SUN2: variants seen among roughly 807,000 people sequenced by gnomAD.
SUN2 encodes Sad1 and UNC84 domain containing 2, also known as SUN domain-containing protein 2.
In SUN2, 60 loss-of-function variants were observed where a neutral mutation model predicts 100.0. The observed-to-expected ratio is 0.60, with a 90% CI of 0.49 to 0.74. The LOEUF is 0.74. SUN2 is among the 30% of genes least tolerant of loss of function. SUN2 has a pLI of 0.00. For missense variants in SUN2, 834 were observed against 954.6 expected (o/e 0.87, Z 1.66); for synonymous variants, 367 against 403.3 (o/e 0.91, Z 1.08).
In SUN2 at chr22:38,755,091, C is replaced by T; in HGVS notation, c.-38+672G>A. 1 of 996,588 alleles carries T rather than the reference C, an allele frequency of 1.0e-6. No individual in the cohort carries two copies. Among genetic ancestry groups the T allele is most frequent in the South Asian group, 1.6e-5 (1 of 62,274 alleles). 61.7% of individuals were successfully genotyped at this position (996,588 alleles called of 1,614,324 possible). On this transcript the variant is annotated intron_variant, in intron 1 of 17. Transcript: ENST00000689035. The surrounding 1 kb of genome is among the most constrained non-coding windows in gnomAD (Gnocchi z 5.7). ...CCCCACTTCTCAGCTGGGCGACTTC[C>T]TTTCTCAATTCCGCCCTTCCCCATC...
intron 4 of SUN2, 122 bp from the exon 5 acceptor site, chr22:38,750,442 G>T: frequency 6.6e-7 from 1 of 1,521,116 alleles, no homozygotes; most frequent in Non-Finnish European, 8.9e-7. Flanking sequence ...CCCCACACAG[G>T]CCCGGTGTGC....
chr22:38,752,874 C>T lies in SUN2; in HGVS notation c.-37-209G>A, dbSNP rs533106024. On this transcript the variant is annotated intron_variant, in intron 1 of 17. Coordinates refer to ENST00000689035, the MANE Select transcript of SUN2 (RefSeq NM_015374.3). ...CTGCACTGTGCAGCGGCTGGAGTCA[C>T]GCCCGGCCTGGGGCTCACTTCGTGA... is the stretch of plus-strand genomic sequence containing the variant. Among the ~76,000 whole-genome samples the T allele has an allele frequency of 5.3e-5, 8 of 152,292 alleles. No homozygotes were observed. In the South Asian group the frequency reaches 1.2e-3, roughly 24 times the overall value.
intron 9 of SUN2, 124 bp from the exon 10 acceptor site, chr22:38,741,695 C>A: frequency 1.1e-6 from 1 of 875,696 alleles, no homozygotes; most frequent in Non-Finnish European, 1.8e-6. Context: ...TGGCTCTCAG[C>A]CTTCTCTGAA....
At position 38,755,215 on chromosome 22, in the gene SUN2, G is replaced by A; in HGVS notation, c.-38+548C>T. 8.5e-7 allele frequency: 1 copy of A among 1,181,010 alleles called. No individual in the cohort carries two copies. Among genetic ancestry groups the A allele is most frequent in the Non-Finnish European group, 1.1e-6 (1 of 937,534 alleles). 73.2% of individuals were successfully genotyped at this position (1,181,010 alleles called of 1,614,324 possible). On this transcript the variant is annotated intron_variant, in intron 1 of 17. Transcript: ENST00000689035. The surrounding 1 kb of genome is among the most constrained non-coding windows in gnomAD (Gnocchi z 5.7). ...GCACAGCCAGGCCACACGCCCTTGT[G>A]GGACCTGCCAAACGCCCGGTGCTAA...
chr22:38,745,809 C>G lies in SUN2; in HGVS notation c.688G>C (p.Ala230Pro), dbSNP rs757781167. 1.2e-5 allele frequency: 19 copies of G among 1,613,774 alleles called. No individual in the cohort carries two copies. The highest frequency in any genetic ancestry group is 1.5e-5 in the Non-Finnish European group (18 of 1,179,892). Residue 230 changes from alanine to proline, a missense_variant and splice_region_variant, in exon 8 of 18, where the codon GCT becomes CCT. This residue lies in a region of SUN2 where 559 missense variants were observed against 597.7 expected (regional missense o/e 0.94). Coordinates refer to ENST00000689035, the MANE Select transcript of SUN2 (RefSeq NM_015374.3). Reference sequence around the variant, plus strand: ...AGCCCATAGGGGTAGAAATACCAAGCACCTGTGCACAGGGGAGAGGGTGTT... The same window carrying G: ...AGCCCATAGGGGTAGAAATACCAAGGACCTGTGCACAGGGGAGAGGGTGTT... ...LLLLTCLTYG[A>P]WYFYPYGLQT...
chr22:38,741,238 CT>C (rs1208653665), intron 10 of SUN2, among the ~76,000 whole-genome samples, 188 bp from the exon 11 acceptor site: 1 of 150,560 alleles, frequency 6.6e-6, no homozygotes, highest in Non-Finnish European at 1.5e-5. Context: ...GTCTGACACA[CT>C]GAGGTATCTG....
At chr22:38,752,045 G>A (rs917997792) in intron 2 of SUN2, among the ~76,000 whole-genome samples, 3 of 152,070 alleles carry the variant, frequency 2.0e-5, no homozygotes, top group South Asian at 2.1e-4. Flanking sequence ...CCATGATCTC[G>A]CTCACTGCAA....
At position 38,740,167 on chromosome 22, in the gene SUN2, G is replaced by A. The variant is rs948975009; in HGVS notation, c.1356+100C>T. ...ACGCCACAGTCTCTTGGGCATAACAGAGGCTGCAGGGGCAAGGGGTGCTGC... is the reference window on the plus strand; with the variant it reads ...ACGCCACAGTCTCTTGGGCATAACAAAGGCTGCAGGGGCAAGGGGTGCTGC... On this transcript the variant is annotated intron_variant, in intron 12 of 17. Transcript: ENST00000689035. This position sits in a 1 kb window ranked among gnomAD's most constrained non-coding sequence, Gnocchi z 4.8. The A allele has an allele frequency of 7.1e-7, 1 of 1,404,222 alleles. No homozygotes were observed. Among genetic ancestry groups the A allele is most frequent in the African/African-American group, 1.4e-5 (1 of 69,042 alleles). The allele number at this position is 1,404,222 out of a possible 1,614,324, so 87.0% of individuals were successfully genotyped here. A position where few individuals can be genotyped will look rare whatever the true frequency, so the allele number is the denominator to read the frequency against.
At position 38,749,837 on chromosome 22, in the gene SUN2, G is replaced by A; in HGVS notation, c.543C>T (p.Tyr181=). 6.2e-7 allele frequency: 1 copy of A among 1,613,878 alleles called. No homozygotes were observed. Among genetic ancestry groups the A allele is most frequent in the Non-Finnish European group, 8.5e-7 (1 of 1,179,942 alleles). ...TSPGRLFRLL[Y]WWAGTTWYRL... Reference sequence around the variant, plus strand: ...GGTACCAGGTGGTGCCAGCCCACCAGTAGAGAAGTCTGAAGAGCCGGCCTG... The same window carrying A: ...GGTACCAGGTGGTGCCAGCCCACCAATAGAGAAGTCTGAAGAGCCGGCCTG... The change falls in exon 6 of 18, where the codon TAC becomes TAT. Residue 181 remains tyrosine, a synonymous_variant. Transcript: ENST00000689035.
rs1469646446 is a variant in SUN2 at position 38,739,589 on chromosome 22, C to T, written c.1578+133G>A. On this transcript the variant is annotated intron_variant, in intron 13 of 17. Transcript: ENST00000689035. The surrounding 1 kb of genome is among the most constrained non-coding windows in gnomAD (Gnocchi z 6.7). ...CACTGCCACCCACCCATGCCAGCCC[C>T]ACAGCATGCAAAGCCTCCTGCTTGG... The T allele has an allele frequency of 3.8e-6, 5 of 1,309,752 alleles. No individual in the cohort carries two copies. Among genetic ancestry groups the T allele is most frequent in the Non-Finnish European group, 5.4e-6 (5 of 934,338 alleles). 81.1% of individuals were successfully genotyped at this position (1,309,752 alleles called of 1,614,324 possible). A position where few individuals can be genotyped will look rare whatever the true frequency, so the allele number is the denominator to read the frequency against.
intron 10 of SUN2, 126 bp from the exon 11 acceptor site, chr22:38,741,176 C>T: frequency 1.9e-6 from 2 of 1,047,976 alleles, no homozygotes; most frequent in Non-Finnish European, 1.4e-6. Context: ...TTGACCCCTG[C>T]AGCAAAAATC....
In SUN2 at chr22:38,750,300, G is replaced by A; in HGVS notation, c.445C>T (p.Gln149Ter). 6.2e-7 allele frequency: 1 copy of A among 1,613,958 alleles called. No individual in the cohort carries two copies. Among genetic ancestry groups the A allele is most frequent in the Non-Finnish European group, 8.5e-7 (1 of 1,180,034 alleles). The change falls in exon 5 of 18, where the codon CAG becomes TAG. Residue 149 changes from glutamine (Q) to a stop codon, truncating the protein, a stop_gained. Transcript: ENST00000689035. LOFTEE classifies it high-confidence loss of function. ...DYVGYSDVDQ[Q>*]SSSSRLRSAV... ...CTTCGGAGCCGCGAGCTGGAACTCT[G>A]CTGGTCCACATCCGAGTAGCCTGCG...
At position 38,755,335 on chromosome 22, in the gene SUN2, C is replaced by T. The variant is rs1569308957; in HGVS notation, c.-38+428G>A. On this transcript the variant is annotated intron_variant, in intron 1 of 17. Coordinates refer to ENST00000689035, the MANE Select transcript of SUN2 (RefSeq NM_015374.3). The surrounding 1 kb of genome is among the most constrained non-coding windows in gnomAD (Gnocchi z 5.7). Reference sequence around the variant, plus strand: ...CTAAGTCACACCGCGCCCCCCATTGCTTTGTTTTGTTTTGTTTTAGAACTG... The same window carrying T: ...CTAAGTCACACCGCGCCCCCCATTGTTTTGTTTTGTTTTGTTTTAGAACTG... 9.1e-7 allele frequency: 1 copy of T among 1,095,652 alleles called. No individual in the cohort carries two copies. Among genetic ancestry groups the T allele is most frequent in the Non-Finnish European group, 1.1e-6 (1 of 893,962 alleles). The allele number at this position is 1,095,652 out of a possible 1,614,324, so 67.9% of individuals were successfully genotyped here.
chr22:38,753,819 G>A lies in SUN2; in HGVS notation c.-37-1154C>T, dbSNP rs534228227. ...CCCCAGCCTGTAAGTGCCAAAGCCA[G>A]GGTTTGGGCTCAGCTCTGACAGGCT... On this transcript the variant is annotated intron_variant, in intron 1 of 17. Coordinates refer to ENST00000689035, the MANE Select transcript of SUN2 (RefSeq NM_015374.3). Among the ~76,000 whole-genome samples the A allele has an allele frequency of 3.3e-5, 5 of 152,332 alleles. 1 individual carries two copies. The East Asian group carries it at 9.6e-4, about 29-fold the overall frequency.
Position 38,752,495 on chromosome 22 carries a change from T to C in SUN2, c.122+12A>G. 1 of 1,604,502 alleles carries C rather than the reference T, an allele frequency of 6.2e-7. No homozygotes were observed. The highest frequency in any genetic ancestry group is 8.5e-7 in the Non-Finnish European group (1 of 1,172,640). On this transcript the variant is annotated intron_variant, in intron 2 of 17. Transcript: ENST00000689035. ...GGCTGTCAGGGGCCGTGGCACTCCCTTGGGTCCCTACCTGAGAGGACTGTC... is the reference window on the plus strand; with the variant it reads ...GGCTGTCAGGGGCCGTGGCACTCCCCTGGGTCCCTACCTGAGAGGACTGTC...
At chr22:38,750,853 C>A in intron 4 of SUN2, 45 bp downstream of exon 4, 1 of 1,607,184 alleles carries the variant, frequency 6.2e-7, no homozygotes, top group Non-Finnish European at 8.5e-7. Flanking sequence ...CCTGAGGCCT[C>A]CCAGCAGCCT....
intron 3 of SUN2, 74 bp from the exon 4 acceptor site, chr22:38,751,109 G>A: frequency 6.2e-7 from 1 of 1,609,818 alleles, no homozygotes; most frequent in African/African-American, 1.3e-5. Flanking sequence ...GCAGAGAGGT[G>A]CTCTGAGGAG....
chr22:38,739,572 C>A lies in SUN2; in HGVS notation c.1579-146G>T. 7.8e-7 allele frequency: 1 copy of A among 1,281,292 alleles called. No homozygotes were observed. Among genetic ancestry groups the A allele is most frequent in the Non-Finnish European group, 1.1e-6 (1 of 907,694 alleles). 79.4% of individuals were successfully genotyped at this position (1,281,292 alleles called of 1,614,324 possible). A position where few individuals can be genotyped will look rare whatever the true frequency, so the allele number is the denominator to read the frequency against. ...CCAGGCAGATGTGGGCACACTGCCA[C>A]CCACCCATGCCAGCCCCACAGCATG... On this transcript the variant is annotated intron_variant, in intron 13 of 17. Coordinates refer to ENST00000689035, the MANE Select transcript of SUN2 (RefSeq NM_015374.3). The surrounding 1 kb of genome is among the most constrained non-coding windows in gnomAD (Gnocchi z 6.7).
chr22:38,739,091 G>T lies in SUN2; in HGVS notation c.1664-103C>A. 1 of 1,206,864 alleles carries T rather than the reference G, an allele frequency of 8.3e-7. No individual in the cohort carries two copies. 74.8% of individuals were successfully genotyped at this position (1,206,864 alleles called of 1,614,324 possible). ...TGAAGGTGGACGGCAGATGCCCCAG[G>T]CCTAGCCTTTAACCCTAACCGAGAT... On this transcript the variant is annotated intron_variant, in intron 14 of 17. Transcript: ENST00000689035. This position sits in a 1 kb window ranked among gnomAD's most constrained non-coding sequence, Gnocchi z 6.7.
Sources: allele counts gnomAD v4.1 joint callset (sites outside exome capture counted in the v4.1 genomes callset), GRCh38; gene constraint gnomAD v4.1.1; regional missense constraint gnomAD v4.1.1; non-coding constraint Gnocchi (gnomAD v3.1); transcripts MANE v1.5; gene names NCBI Gene and HGNC (gene_info 2026-07-23, HGNC 2026-07-21).